THNSL1: variants seen among roughly 807,000 people sequenced by gnomAD.
The protein encoded by THNSL1 is threonine synthase like 1, also known as threonine synthase-like 1.
Under a neutral mutation model 50.4 loss-of-function variants are expected in THNSL1, and 48 were observed. The observed-to-expected ratio is 0.95, with a 90% CI of 0.76 to 1.21. The LOEUF is 1.21. Ranked by LOEUF, THNSL1 falls within the 50% of genes most tolerant of loss-of-function variation. The pLI, the probability that THNSL1 is intolerant of heterozygous loss-of-function variation, is 0.00. For synonymous variants in THNSL1, 309 were observed against 306.1 expected (o/e 1.01, Z -0.10); for missense variants, 896 against 871.7 (o/e 1.03, Z -0.35).
chr10:24,963,600 C>A, the THNSL1 span, among the ~76,000 whole-genome samples: 5 of 152,200 alleles, frequency 3.3e-5, no homozygotes, highest in African/African-American at 9.6e-5. Flanking sequence ...AGACATTACA[C>A]ATGTTCTAAA....
At chr10:24,954,093 A>G in the THNSL1 span, among the ~76,000 whole-genome samples, 1 of 152,196 alleles carries the variant, frequency 6.6e-6, no homozygotes, top group Non-Finnish European at 1.5e-5. Flanking sequence ...AAAGTCAAGC[A>G]CCATCTTTTA....
At chr10:24,973,911 G>A in the THNSL1 span, among the ~76,000 whole-genome samples, 5 of 151,958 alleles carry the variant, frequency 3.3e-5, no homozygotes, top group Admixed American at 6.6e-5. Context: ...TCGCCACCAC[G>A]CCCGGCTAAT....
chr10:24,978,653 T>C, the THNSL1 span, among the ~76,000 whole-genome samples: 1 of 152,124 alleles, frequency 6.6e-6, no homozygotes, highest in African/African-American at 2.4e-5. Flanking sequence ...TAGTGACAAT[T>C]TTTGTTTTAC....
chr10:25,016,212 CA>C, upstream of THNSL1: 2 of 1,131,808 alleles, frequency 1.8e-6, no homozygotes, highest in Non-Finnish European at 2.2e-6. Context: ...GGCAGCACCG[CA>C]AACTAGGTCT....
chr10:24,964,849 G>A, the THNSL1 span, among the ~76,000 whole-genome samples: 1 of 152,142 alleles, frequency 6.6e-6, no homozygotes, highest in Non-Finnish European at 1.5e-5. Flanking sequence ...GATGGTTTGA[G>A]CCTAGGAGTT....
the THNSL1 span, among the ~76,000 whole-genome samples, chr10:24,980,179 C>T: frequency 6.6e-6 from 1 of 152,146 alleles, no homozygotes; most frequent in Non-Finnish European, 1.5e-5. Context: ...TAAAACGCAT[C>T]AGTGGTGCCT....
chr10:25,011,947 C>T (rs1351136094), upstream of THNSL1, among the ~76,000 whole-genome samples: 1 of 152,210 alleles, frequency 6.6e-6, no homozygotes, highest in East Asian at 1.9e-4. Flanking sequence ...CCATCACAGG[C>T]CCAGAGACCT....
At chr10:25,013,060 G>C (rs1850486757), upstream of THNSL1, among the ~76,000 whole-genome samples, 1 of 152,168 alleles carries the variant, frequency 6.6e-6, no homozygotes, top group South Asian at 2.1e-4. Flanking sequence ...GTTTTATAAA[G>C]GGGAGTTCCC....
chr10:24,952,594 G>C, the THNSL1 span: 3 of 1,578,308 alleles, frequency 1.9e-6, no homozygotes, highest in Non-Finnish European at 1.7e-6. This position sits in a 1 kb window ranked among gnomAD's most constrained non-coding sequence, Gnocchi z 5.1. Context: ...CGGGGAACGC[G>C]GGAAGGGAAG....
At chr10:24,959,414 G>T in the THNSL1 span, among the ~76,000 whole-genome samples, 1 of 152,198 alleles carries the variant, frequency 6.6e-6, no homozygotes, top group Admixed American at 6.5e-5. Flanking sequence ...TGAGAGATGT[G>T]GCTTGAGAGT....
the THNSL1 span, among the ~76,000 whole-genome samples, chr10:24,964,408 G>C: frequency 1.3e-5 from 2 of 152,274 alleles, no homozygotes; most frequent in East Asian, 3.9e-4. Flanking sequence ...TTTCTTTCAT[G>C]CTTCCTGGAA....
At chr10:24,966,257 T>G in the THNSL1 span, among the ~76,000 whole-genome samples, 1 of 152,172 alleles carries the variant, frequency 6.6e-6, no homozygotes, top group African/African-American at 2.4e-5. Flanking sequence ...CACCTTTATA[T>G]TTAAAGAAGA....
chr10:24,993,081 C>A, the THNSL1 span, among the ~76,000 whole-genome samples: 1 of 152,056 alleles, frequency 6.6e-6, no homozygotes, highest in African/African-American at 2.4e-5. Flanking sequence ...ACTGCTTGAG[C>A]CCAAAAGTTC....
At chr10:24,954,620 A>C in the THNSL1 span, among the ~76,000 whole-genome samples, 253 of 152,320 alleles carry the variant, frequency 1.7e-3, 1 homozygote, top group African/African-American at 5.8e-3. Flanking sequence ...CTTGCTTGAA[A>C]GACAACAGGA....
At chr10:25,002,885 T>C in the THNSL1 span, among the ~76,000 whole-genome samples, 500 of 152,116 alleles carry the variant, frequency 3.3e-3, 2 homozygotes, top group African/African-American at 9.2e-3. Flanking sequence ...GGCTGGCAGA[T>C]ATGGTCTCGT....
chr10:24,996,662 T>C, the THNSL1 span, among the ~76,000 whole-genome samples: 1 of 152,334 alleles, frequency 6.6e-6, no homozygotes, highest in South Asian at 2.1e-4. Flanking sequence ...TTTCCAATTT[T>C]AACCCCATCA....
rs766710226 is a variant in THNSL1, at chr10:25,025,419, T to A, written c.2196T>A (p.Ser732Arg). ...CAGCTGATATGAATGTCTTGAAGAG[T>A]CATGTGGAACAACTTGTCCAAAATC... ...VCAADMNVLK[S>R]HVEQLVQNQF... The change falls in exon 3 of 3, where the codon AGT becomes AGA. Residue 732 changes from serine to arginine, a missense_variant. Transcript: ENST00000376356. The A allele has an allele frequency of 1.2e-6, 2 of 1,610,934 alleles. No individual in the cohort carries two copies. The highest frequency in any genetic ancestry group is 1.7e-6 in the Non-Finnish European group (2 of 1,178,926).
the THNSL1 span, chr10:24,952,653 CGTGGGG>C: frequency 3.0e-5 from 5 of 165,622 alleles, no homozygotes; most frequent in African/African-American, 2.9e-4. The surrounding 1 kb of genome is among the most constrained non-coding windows in gnomAD (Gnocchi z 5.1). Context: ...GGGGATGGGA[CGTGGGG>C]ATGGGGACGG....
chr10:24,975,275 C>G, the THNSL1 span, among the ~76,000 whole-genome samples: 2 of 152,198 alleles, frequency 1.3e-5, no homozygotes, highest in Non-Finnish European at 2.9e-5. Context: ...TCAGTATTGG[C>G]CTCAGAAAAG....
Sources: allele counts gnomAD v4.1 joint callset (sites outside exome capture counted in the v4.1 genomes callset), GRCh38; gene constraint gnomAD v4.1.1; non-coding constraint Gnocchi (gnomAD v3.1); transcripts MANE v1.5; gene names NCBI Gene and HGNC (gene_info 2026-07-23, HGNC 2026-07-21).